Variants in LDHC observed in about 807,000 individuals in gnomAD.
The protein encoded by LDHC is lactate dehydrogenase C, also known as L-lactate dehydrogenase C chain.
A neutral mutation model predicts 30.2 loss-of-function variants in LDHC; 20 were observed. The observed-to-expected ratio is 0.66, with a 90% CI of 0.47 to 0.96. The LOEUF is 0.96. LDHC is among the 40% of genes least tolerant of loss of function. LDHC has a pLI of 0.00. For synonymous variants in LDHC, 139 were observed against 132.7 expected (o/e 1.05, Z -0.32); for missense variants, 362 against 394.9 (o/e 0.92, Z 0.71).
Position 18,445,619 on chromosome 11 carries a change from C to T in LDHC, c.711-591C>T, listed in dbSNP as rs1300378283. Reference sequence around the variant, plus strand: ...TAAAAGCTAGTTTCATCTTGAGTGGCACATTTGTCCTAGTATTCTGCCTTT... The same window carrying T: ...TAAAAGCTAGTTTCATCTTGAGTGGTACATTTGTCCTAGTATTCTGCCTTT... On this transcript the variant is annotated intron_variant, in intron 6 of 7. Transcript: ENST00000541669. Among the ~76,000 whole-genome samples, 3 of 152,178 alleles carry T rather than the reference C, an allele frequency of 2.0e-5. No individual in the cohort carries two copies. The East Asian group carries it at 5.8e-4, about 29-fold the overall frequency.
In LDHC at chr11:18,422,939, G is replaced by A. The variant is rs559521678; in HGVS notation, c.245-6798G>A. Among the ~76,000 whole-genome samples, 15 of 151,680 alleles carry A rather than the reference G, an allele frequency of 9.9e-5. No homozygotes were observed. The East Asian group carries it at 2.1e-3, about 22-fold the overall frequency. On this transcript the variant is annotated intron_variant, in intron 3 of 7. Transcript: ENST00000541669. Reference sequence around the variant, plus strand: ...AGAAGTCACAGTGAGCTGAGGTTGCGCCATTGCACTCCAGCCTGGGTGACA... The same window carrying A: ...AGAAGTCACAGTGAGCTGAGGTTGCACCATTGCACTCCAGCCTGGGTGACA...
intron 3 of LDHC, among the ~76,000 whole-genome samples, chr11:18,428,587 G>A (rs1396016903): frequency 6.6e-6 from 1 of 151,936 alleles, no homozygotes; most frequent in Admixed American, 6.6e-5. Flanking sequence ...AAAAAGTCCA[G>A]TATGAAGCCA....
At chr11:18,432,112 T>C (rs982340285) in intron 4 of LDHC, among the ~76,000 whole-genome samples, 4 of 152,176 alleles carry the variant, frequency 2.6e-5, no homozygotes, top group African/African-American at 9.7e-5. Flanking sequence ...GGCTATGAAC[T>C]TTCCTCTTGG....
At chr11:18,449,250 A>C (rs1490609163) in intron 7 of LDHC, among the ~76,000 whole-genome samples, 1 of 151,844 alleles carries the variant, frequency 6.6e-6, no homozygotes, top group Non-Finnish European at 1.5e-5. Flanking sequence ...CAACCTGGGC[A>C]ACATAACAAG....
chr11:18,437,094 C>G (rs903856962), intron 5 of LDHC, among the ~76,000 whole-genome samples: 2 of 152,092 alleles, frequency 1.3e-5, no homozygotes, highest in Admixed American at 6.6e-5. Flanking sequence ...TTAGTCTCAT[C>G]TTATTCTGGA....
chr11:18,446,152 A>G (rs1358687832), intron 6 of LDHC, 58 bp from the exon 7 acceptor site: 4 of 1,409,418 alleles, frequency 2.8e-6, no homozygotes, highest in African/African-American at 1.4e-5. Context: ...GAAGAATATT[A>G]TGTTTTCTCT....
At chr11:18,431,916 C>T (rs947308314) in intron 4 of LDHC, among the ~76,000 whole-genome samples, 1 of 152,082 alleles carries the variant, frequency 6.6e-6, no homozygotes, top group Admixed American at 6.6e-5. Flanking sequence ...TTCAAAGAAC[C>T]AGCTTTTTGT....
intron 7 of LDHC, 145 bp downstream of exon 7, chr11:18,446,478 A>G (rs1461215929): frequency 1.3e-5 from 8 of 620,352 alleles, no homozygotes; most frequent in South Asian, 1.9e-5. Context: ...AGGTCAAAAA[A>G]ATACAGATAC....
chr11:18,417,181 G>T (rs554745485), intron 3 of LDHC, among the ~76,000 whole-genome samples: 1 of 152,154 alleles, frequency 6.6e-6, no homozygotes, highest in Admixed American at 6.5e-5. Context: ...ACCGCACCCG[G>T]CCTGGAGTGG....
intron 6 of LDHC, among the ~76,000 whole-genome samples, chr11:18,440,806 G>C (rs1226400232): frequency 6.6e-6 from 1 of 151,890 alleles, no homozygotes; most frequent in Non-Finnish European, 1.5e-5. Context: ...TGGTATGTCT[G>C]TAGTCCCAGC....
chr11:18,450,929 G>A (rs757178729), intron 7 of LDHC, 34 bp from the exon 8 acceptor site: 206 of 1,489,210 alleles, frequency 1.4e-4, no homozygotes, highest in Non-Finnish European at 1.8e-4. Context: ...TTCCATATCA[G>A]GTTATTTGAA....
chr11:18,422,032 G>T (rs1848071074), intron 3 of LDHC, among the ~76,000 whole-genome samples: 1 of 151,834 alleles, frequency 6.6e-6, no homozygotes, highest in Non-Finnish European at 1.5e-5. Flanking sequence ...GCTGAGGCAG[G>T]AGAATCACTT....
chr11:18,412,754 A>G lies in LDHC; in HGVS notation c.37A>G (p.Ile13Val), dbSNP rs73436621. The part of the protein sequence containing the change: ...TVKEQLIEKL[I>V]EDDENSQCKI... The stretch of plus-strand genomic sequence containing the variant: ...CAAGGAGCAGCTAATTGAGAAGCTA[A>G]TTGAGGATGATGAAAACTCCCAGTG... Residue 13 changes from isoleucine (I) to valine (V), a missense_variant, in exon 2 of 8, where the codon ATT becomes GTT. By Grantham distance (29) the Ile-to-Val change is conservative. Transcript: ENST00000541669. 2 of 1,614,004 alleles carry G rather than the reference A, an allele frequency of 1.2e-6. No individual in the cohort carries two copies. Among genetic ancestry groups the G allele is most frequent in the East Asian group, 4.5e-5 (2 of 44,882 alleles).
rs1438515905 is a variant in LDHC, at chr11:18,434,752, C to A, written c.431C>A (p.Thr144Lys). The change falls in exon 5 of 8, where the codon ACA (threonine) becomes AAA (lysine). Residue 144 changes from threonine (T) to lysine (K), a missense_variant. Coordinates refer to ENST00000541669, the MANE Select transcript of LDHC (RefSeq NM_017448.5). ...TTTTTCTTCTTAGTGGATATTTTGA[C>A]ATATATAGTCTGGAAGATAAGTGGC... ...LVVSNPVDIL[T>K]YIVWKISGLP... 1.3e-6 allele frequency: 2 copies of A among 1,597,116 alleles called. No homozygotes were observed. The highest frequency in any genetic ancestry group is 2.2e-5 in the South Asian group (2 of 89,902).
chr11:18,447,635 C>T (rs1848577549), intron 7 of LDHC, among the ~76,000 whole-genome samples: 1 of 152,134 alleles, frequency 6.6e-6, no homozygotes, highest in Admixed American at 6.6e-5. Flanking sequence ...ATGTGTCAGT[C>T]TGTGAATGAG....
rs942335587 is a variant in LDHC, at chr11:18,434,022, T to A, written c.419-718T>A. ...ATCTTCTTATTCTTTTTCTTTGTCTTTGTTGGATTGGGTTAATTTGAAGAC... is the reference window on the plus strand; with the variant it reads ...ATCTTCTTATTCTTTTTCTTTGTCTATGTTGGATTGGGTTAATTTGAAGAC... On this transcript the variant is annotated intron_variant, in intron 4 of 7. Coordinates refer to ENST00000541669, the MANE Select transcript of LDHC (RefSeq NM_017448.5). Among the ~76,000 whole-genome samples, 2 of 152,162 alleles carry A rather than the reference T, an allele frequency of 1.3e-5. 1 individual carries two copies. Among genetic ancestry groups the A allele is most frequent in the South Asian group, 4.1e-4 (2 of 4,828 alleles).
rs192408319 is a variant in LDHC, at chr11:18,451,940, A to G, written c.*813A>G. On this transcript the variant is annotated 3_prime_UTR_variant, in exon 8 of 8. Transcript: ENST00000541669. ...CAGAGGAAGACTCAGACTCAAAAGA[A>G]GAAGAAGAACACAGAAGAAAAGCAG... is the stretch of plus-strand genomic sequence containing the variant. The G allele has an allele frequency of 2.6e-5, 4 of 151,204 alleles. No individual in the cohort carries two copies. The East Asian group carries it at 7.7e-4, about 29-fold the overall frequency. 9.4% of individuals were successfully genotyped at this position (151,204 alleles called of 1,614,324 possible). A position where few individuals can be genotyped will look rare whatever the true frequency, so the allele number is the denominator to read the frequency against.
At chr11:18,429,216 G>A (rs1590228452) in intron 3 of LDHC, among the ~76,000 whole-genome samples, 2 of 146,056 alleles carry the variant, frequency 1.4e-5, no homozygotes, top group African/African-American at 5.1e-5. Flanking sequence ...AGGTTCAAGC[G>A]ATTCTCCTGC....
At chr11:18,418,940 C>T (rs1203366486) in intron 3 of LDHC, among the ~76,000 whole-genome samples, 1 of 152,142 alleles carries the variant, frequency 6.6e-6, no homozygotes. Flanking sequence ...GAGAGTTAAG[C>T]AGAGCACTGC....
Sources: gnomAD v4.1 joint callset for allele counts (sites outside exome capture counted in the v4.1 genomes callset) on GRCh38, gnomAD v4.1.1 for gene constraint, MANE v1.5 for transcripts, NCBI Gene and HGNC (gene_info 2026-07-23, HGNC 2026-07-21) for gene names.